The following INTS8 variants were observed in gnomAD, a reference collection of about 807,000 sequenced individuals.
The protein encoded by INTS8 is integrator complex subunit 8.
In INTS8, 47 loss-of-function variants were observed where a neutral mutation model predicts 138.9. The ratio of observed to expected loss-of-function variants is 0.34; its 90% confidence interval spans 0.27 to 0.43. The LOEUF is 0.43. Among genes scored for constraint, INTS8 ranks in the 20% least tolerant of loss-of-function variants. INTS8 has a pLI of 1.00. For missense variants in INTS8, 996 were observed against 1,173.0 expected (o/e 0.85, Z 2.20); for synonymous variants, 392 against 400.9 (o/e 0.98, Z 0.27).
In INTS8 at chr8:94,844,133, G is replaced by A. The variant is rs562511554; in HGVS notation, c.1260+1645G>A. Among the ~76,000 whole-genome samples the A allele has an allele frequency of 2.4e-3, 359 of 151,832 alleles. 2 individuals are homozygous for A. The highest frequency in any genetic ancestry group is 1.4e-3 in the Non-Finnish European group (95 of 67,944). On this transcript the variant is annotated intron_variant, in intron 10 of 26. Transcript: ENST00000523731. ...GGCTCACTGCAACCTCCGCCTCCCA[G>A]GTTCAAGCGATTCTCCTGCCTCAGC...
rs1563673015 is a variant in INTS8, at chr8:94,874,548, G to C, written c.2638-4G>C. ...TGAAAATAATGAGAATTTTGCTTTT[G>C]TAGGTAATAAAACGAATGATAAAAT... On this transcript the variant is annotated splice_polypyrimidine_tract_variant and splice_region_variant and intron_variant, in intron 22 of 26. Coordinates refer to ENST00000523731, the MANE Select transcript of INTS8 (RefSeq NM_017864.4). 1 of 1,545,876 alleles carries C rather than the reference G, an allele frequency of 6.5e-7. No homozygotes were observed. Among genetic ancestry groups the C allele is most frequent in the Non-Finnish European group, 8.9e-7 (1 of 1,119,378 alleles).
At chr8:94,875,835 T>G in intron 23 of INTS8, 1 of 431,756 alleles carries the variant, frequency 2.3e-6, no homozygotes, top group Non-Finnish European at 4.2e-6. Context: ...CTGAACTGGC[T>G]TTTTGCCAGC....
intron 10 of INTS8, among the ~76,000 whole-genome samples, chr8:94,844,752 C>CT (rs966738887): frequency 0.045 from 6,110 of 136,476 alleles, 174 homozygotes; most frequent in African/African-American, 0.066. Flanking sequence ...TTTAGTTTTT[C>CT]TTTTTTTTTT....
At chr8:94,845,370 T>C (rs1037660820) in intron 10 of INTS8, among the ~76,000 whole-genome samples, 2 of 152,188 alleles carry the variant, frequency 1.3e-5, no homozygotes, top group Admixed American at 1.3e-4. Context: ...TATGGGCCTG[T>C]TTCTGAGCCA....
intron 15 of INTS8, 121 bp downstream of exon 15, chr8:94,857,099 G>GT (rs1354963523): frequency 4.2e-6 from 3 of 711,098 alleles, no homozygotes; most frequent in Non-Finnish European, 6.8e-6. Flanking sequence ...TTGAGATGGA[G>GT]TGTAGCTCTG....
chr8:94,841,509 A>T lies in INTS8; in HGVS notation c.1036A>T (p.Ile346Phe), dbSNP rs1347289089. The change falls in exon 9 of 27, where the codon ATT becomes TTT. Residue 346 changes from isoleucine (I) to phenylalanine (F), a missense_variant. Physicochemically the swap from Ile to Phe is conservative, Grantham distance 21. Coordinates refer to ENST00000523731, the MANE Select transcript of INTS8 (RefSeq NM_017864.4). ...GTTCTAGGAGGTAATACAGATTTTCATTGAAGACAACTTAACCTTGAGTTT... is the reference window on the plus strand; with the variant it reads ...GTTCTAGGAGGTAATACAGATTTTCTTTGAAGACAACTTAACCTTGAGTTT... ...GNYQEVIQIFIEDNLTLSLPV... is the reference protein window; with the variant it reads ...GNYQEVIQIFFEDNLTLSLPV... 1 of 1,599,204 alleles carries T rather than the reference A, an allele frequency of 6.3e-7. No individual in the cohort carries two copies. The highest frequency in any genetic ancestry group is 1.1e-5 in the South Asian group (1 of 89,488).
At chr8:94,830,774 A>G (rs142073989) in intron 5 of INTS8, among the ~76,000 whole-genome samples, 73 of 152,196 alleles carry the variant, frequency 4.8e-4, no homozygotes, top group African/African-American at 1.7e-3. Context: ...CTGGTATTAC[A>G]TATATGAGTC....
At chr8:94,830,499 G>A (rs1814673077) in intron 5 of INTS8, among the ~76,000 whole-genome samples, 1 of 152,096 alleles carries the variant, frequency 6.6e-6, no homozygotes, top group Admixed American at 6.5e-5. Flanking sequence ...GTGGAACAGT[G>A]CAAATTTTTT....
Position 94,823,331 on chromosome 8 carries a change from C to A in INTS8, c.-101C>A. On this transcript the variant is annotated 5_prime_UTR_variant, in exon 1 of 27. Coordinates refer to ENST00000523731, the MANE Select transcript of INTS8 (RefSeq NM_017864.4). ...GTTTCCGGGACGTTCGGAGGGTGGCCTCTCTCCCACCGGGTTCCGCATACC... is the reference window on the plus strand; with the variant it reads ...GTTTCCGGGACGTTCGGAGGGTGGCATCTCTCCCACCGGGTTCCGCATACC... 2.0e-6 allele frequency: 3 copies of A among 1,513,444 alleles called. No individual in the cohort carries two copies. Among genetic ancestry groups the A allele is most frequent in the South Asian group, 2.5e-5 (2 of 80,360 alleles). The allele number at this position is 1,513,444 out of a possible 1,614,324, so 93.8% of individuals were successfully genotyped here. A position where few individuals can be genotyped will look rare whatever the true frequency, so the allele number is the denominator to read the frequency against.
Position 94,831,906 on chromosome 8 carries a change from T to G in INTS8, c.571-86T>G, listed in dbSNP as rs551888205. The G allele has an allele frequency of 2.1e-5, 23 of 1,074,366 alleles. No homozygotes were observed. In the South Asian group the frequency reaches 4.0e-4, roughly 19 times the overall value. 66.6% of individuals were successfully genotyped at this position (1,074,366 alleles called of 1,614,324 possible). On this transcript the variant is annotated intron_variant, in intron 5 of 26. Coordinates refer to ENST00000523731, the MANE Select transcript of INTS8 (RefSeq NM_017864.4). The stretch of plus-strand genomic sequence containing the variant: ...AAATTTTTTTAATAGCTTAGTGTAC[T>G]GAGTTACTAAATAGACTGTAAATAT...
chr8:94,841,723 T>C (rs1815140512), intron 9 of INTS8, 132 bp downstream of exon 9: 1 of 562,116 alleles, frequency 1.8e-6, no homozygotes, highest in Non-Finnish European at 3.2e-6. Flanking sequence ...TAAGGGAAAT[T>C]AACATAGGGT....
At chr8:94,841,771 TA>T (rs1339524406) in intron 9 of INTS8, among the ~76,000 whole-genome samples, 180 bp downstream of exon 9, 1 of 152,054 alleles carries the variant, frequency 6.6e-6, no homozygotes, top group Non-Finnish European at 1.5e-5. Context: ...TAGTCTGTTT[TA>T]AAAGTGCTTG....
chr8:94,847,019 G>C (rs1391705703), intron 10 of INTS8, among the ~76,000 whole-genome samples: 2 of 152,106 alleles, frequency 1.3e-5, no homozygotes, highest in African/African-American at 4.8e-5. Flanking sequence ...CTACATTCAT[G>C]TATGAGATTG....
chr8:94,840,607 G>T (rs1404728130), intron 8 of INTS8, among the ~76,000 whole-genome samples: 3 of 148,636 alleles, frequency 2.0e-5, no homozygotes, highest in African/African-American at 7.5e-5. Flanking sequence ...GCCCAGGCTG[G>T]AGTGCAGTGG....
At chr8:94,844,062 G>C (rs1815240541) in intron 10 of INTS8, among the ~76,000 whole-genome samples, 1 of 149,814 alleles carries the variant, frequency 6.7e-6, no homozygotes, top group Admixed American at 6.7e-5. Flanking sequence ...TTGAGATGGG[G>C]CCCCCTCTGT....
chr8:94,849,955 C>T lies in INTS8; in HGVS notation c.1371C>T (p.Phe457=). The change falls in exon 12 of 27, where the codon TTC becomes TTT. Residue 457 remains phenylalanine (F), a synonymous_variant. Coordinates refer to ENST00000523731, the MANE Select transcript of INTS8 (RefSeq NM_017864.4). The part of the protein sequence containing the change: ...CLGLEDLQYV[F]MISSHELFIT... ...GGTTGGAAGATCTGCAGTATGTTTT[C>T]ATGATTTCTTCACATGAGCTTTTCA... 1 of 1,612,216 alleles carries T rather than the reference C, an allele frequency of 6.2e-7. No homozygotes were observed. The highest frequency in any genetic ancestry group is 8.5e-7 in the Non-Finnish European group (1 of 1,179,022).
intron 9 of INTS8, 72 bp downstream of exon 9, chr8:94,841,663 C>T (rs1362354422): frequency 1.3e-6 from 1 of 785,394 alleles, no homozygotes; most frequent in Non-Finnish European, 2.1e-6. Context: ...ATCAAAACCA[C>T]ATTTTCAAAT....
At chr8:94,863,352 C>T (rs774115322) in intron 16 of INTS8, among the ~76,000 whole-genome samples, 7 of 152,348 alleles carry the variant, frequency 4.6e-5, no homozygotes, top group South Asian at 2.1e-4. Context: ...CCTGTGCACA[C>T]GCTGTTTGTC....
chr8:94,830,045 G>C (rs1814655622), intron 5 of INTS8, among the ~76,000 whole-genome samples: 2 of 152,092 alleles, frequency 1.3e-5, no homozygotes, highest in African/African-American at 4.8e-5. Context: ...ACAGGCACTT[G>C]CCACCATGCC....
Sources: gnomAD v4.1 joint callset for allele counts (sites outside exome capture counted in the v4.1 genomes callset) on GRCh38, gnomAD v4.1.1 for gene constraint, MANE v1.5 for transcripts, NCBI Gene and HGNC (gene_info 2026-07-23, HGNC 2026-07-21) for gene names.